Variants in TMEM130 observed in about 807,000 individuals in gnomAD.
The protein encoded by TMEM130 is transmembrane protein 130.
TMEM130 carries 37 observed loss-of-function variants against 42.9 expected under a neutral mutation model. The ratio of observed to expected loss-of-function variants is 0.86; its 90% CI spans 0.66 to 1.13. The LOEUF is 1.13. Ranked by LOEUF, TMEM130 falls within the 50% of genes most tolerant of loss-of-function variation. TMEM130 has a pLI of 0.00. For missense variants in TMEM130, 545 were observed against 562.6 expected (o/e 0.97, Z 0.32); for synonymous variants, 259 against 237.7 (o/e 1.09, Z -0.82).
chr7:98,860,572 T>C (rs1794749234), intron 2 of TMEM130, among the ~76,000 whole-genome samples: 1 of 152,158 alleles, frequency 6.6e-6, no homozygotes, highest in Admixed American at 6.5e-5. Context: ...CGGAGGACTC[T>C]GTCACATTCA....
intron 6 of TMEM130, among the ~76,000 whole-genome samples, chr7:98,850,727 A>G (rs563662699): frequency 2.8e-4 from 42 of 152,146 alleles, no homozygotes; most frequent in Admixed American, 1.7e-3. Context: ...ACAATATGCA[A>G]TGCCTTCTCC....
chr7:98,856,033 G>C lies in TMEM130; in HGVS notation c.702C>G (p.Ala234=). The change falls in exon 4 of 8, where the codon GCC becomes GCG. Residue 234 remains alanine (A), a synonymous_variant. Transcript: ENST00000339375. The stretch of plus-strand genomic sequence containing the variant: ...GACACCCACCCTGCAGCTTCAGCGA[G>C]GCGGAGAAGTCCCCGGTCTTCTGCT... ...AVKQKTGDFS[A]SLKLQETLRG... 6.2e-7 allele frequency: 1 copy of C among 1,613,248 alleles called. No individual in the cohort carries two copies. The highest frequency in any genetic ancestry group is 8.5e-7 in the Non-Finnish European group (1 of 1,180,034).
chr7:98,859,906 A>T (rs1554399509), intron 3 of TMEM130, among the ~76,000 whole-genome samples: 1 of 151,654 alleles, frequency 6.6e-6, no homozygotes, highest in African/African-American at 2.4e-5. Flanking sequence ...ATAAAAATAA[A>T]AAAAATACAA....
At chr7:98,861,494 C>A (rs931654511) in intron 2 of TMEM130, among the ~76,000 whole-genome samples, 1 of 152,138 alleles carries the variant, frequency 6.6e-6, no homozygotes, top group Admixed American at 6.6e-5. Context: ...GTGGGCAGAT[C>A]ACTTGAGGCC....
At chr7:98,867,030 GA>G (rs1343439094) in intron 1 of TMEM130, 1 of 152,148 alleles carries the variant, frequency 6.6e-6, no homozygotes, top group Admixed American at 6.6e-5. Context: ...CCAGGGGTTT[GA>G]AGTTGCAGTG....
chr7:98,864,918 AAC>A (rs1794874115), intron 1 of TMEM130, among the ~76,000 whole-genome samples: 3 of 152,144 alleles, frequency 2.0e-5, no homozygotes, highest in Admixed American at 6.5e-5. Context: ...AAAGAAAACA[AAC>A]AATAAAAACA....
chr7:98,861,316 T>C (rs1794766609), intron 2 of TMEM130, among the ~76,000 whole-genome samples: 2 of 150,210 alleles, frequency 1.3e-5, no homozygotes, highest in African/African-American at 2.5e-5. Flanking sequence ...CCAGCCTGGG[T>C]GACAGAGCAA....
At chr7:98,860,384 G>A (rs1193153999) in intron 2 of TMEM130, 46 bp from the exon 3 acceptor site, 3 of 1,533,874 alleles carry the variant, frequency 2.0e-6, no homozygotes, top group Non-Finnish European at 2.6e-6. Flanking sequence ...GAGATTCAGG[G>A]ATCAGGAAAC....
At chr7:98,854,049 T>G (rs1794572407) in intron 5 of TMEM130, among the ~76,000 whole-genome samples, 2 of 150,526 alleles carry the variant, frequency 1.3e-5, no homozygotes, top group African/African-American at 4.9e-5. Flanking sequence ...TTTGTTTTTT[T>G]TTTTTTTGGA....
Position 98,863,090 on chromosome 7 carries a change from C to T in TMEM130, c.391+5G>A. On this transcript the variant is annotated splice_donor_5th_base_variant and intron_variant, in intron 2 of 7. Transcript: ENST00000339375. ...GGCAAACTAGCAAATGGGAGCGACC[C>T]TCACCTGTGATGGGGAGGACCACAA... is the stretch of plus-strand genomic sequence containing the variant. 6.2e-7 allele frequency: 1 copy of T among 1,609,222 alleles called. No individual in the cohort carries two copies. The highest frequency in any genetic ancestry group is 1.7e-5 in the Admixed American group (1 of 59,916).
chr7:98,855,176 T>C, intron 5 of TMEM130, 64 bp downstream of exon 5: 2 of 1,444,598 alleles, frequency 1.4e-6, no homozygotes, highest in Non-Finnish European at 1.9e-6. Flanking sequence ...AGACTTGGGG[T>C]CATCGTGAAG....
intron 3 of TMEM130, among the ~76,000 whole-genome samples, chr7:98,858,928 G>A (rs1554399385): frequency 6.7e-6 from 1 of 149,316 alleles, no homozygotes; most frequent in Admixed American, 6.7e-5. Context: ...CAACACTTTG[G>A]GAGGAGGAAG....
rs1174990478 is a variant in TMEM130 at position 98,870,001 on chromosome 7, C to T, written c.-140G>A. The T allele has an allele frequency of 1.8e-5, 8 of 439,714 alleles. No homozygotes were observed. Among genetic ancestry groups the T allele is most frequent in the Non-Finnish European group, 2.5e-5 (7 of 276,648 alleles). The allele number at this position is 439,714 out of a possible 1,614,324, so 27.2% of individuals were successfully genotyped here. On this transcript the variant is annotated 5_prime_UTR_variant, in exon 1 of 8. Transcript: ENST00000339375. ...CGGGCGCCGTGCTCGCTCGTCCTCGCCGGGGGACGCTCTGTCGCTGCGCGC... is the reference window on the plus strand; with the variant it reads ...CGGGCGCCGTGCTCGCTCGTCCTCGTCGGGGGACGCTCTGTCGCTGCGCGC...
In TMEM130 at chr7:98,863,092, C is replaced by T. The variant is rs1554400060; in HGVS notation, c.391+3G>A. ...CAAACTAGCAAATGGGAGCGACCCT[C>T]ACCTGTGATGGGGAGGACCACAAAG... On this transcript the variant is annotated splice_donor_region_variant and intron_variant, in intron 2 of 7. Coordinates refer to ENST00000339375, the MANE Select transcript of TMEM130 (RefSeq NM_152913.3). 6.2e-7 allele frequency: 1 copy of T among 1,609,788 alleles called. No individual in the cohort carries two copies. Among genetic ancestry groups the T allele is most frequent in the Admixed American group, 1.7e-5 (1 of 59,942 alleles).
chr7:98,853,748 C>T (rs1486743226), intron 5 of TMEM130, among the ~76,000 whole-genome samples: 2 of 152,232 alleles, frequency 1.3e-5, no homozygotes, highest in Non-Finnish European at 2.9e-5. Context: ...ATCTGTGTCT[C>T]CTCACCTACT....
At chr7:98,851,678 C>G in intron 5 of TMEM130, 55 bp from the exon 6 acceptor site, 1 of 1,490,484 alleles carries the variant, frequency 6.7e-7, no homozygotes, top group South Asian at 1.3e-5. Flanking sequence ...CATGTCAGCA[C>G]AGACCAAGTC....
chr7:98,851,635 T>C lies in TMEM130; in HGVS notation c.804-12A>G. 5 of 1,598,762 alleles carry C rather than the reference T, an allele frequency of 3.1e-6. No individual in the cohort carries two copies. Among genetic ancestry groups the C allele is most frequent in the Non-Finnish European group, 4.3e-6 (5 of 1,171,440 alleles). ...CAGTCAGAGGAGGGCTGCAGGGAAA[T>C]GGGGGCGGTTTTTAAGAAAAGGCTC... is the stretch of plus-strand genomic sequence containing the variant. On this transcript the variant is annotated splice_polypyrimidine_tract_variant and intron_variant, in intron 5 of 7. Coordinates refer to ENST00000339375, the MANE Select transcript of TMEM130 (RefSeq NM_152913.3).
intron 3 of TMEM130, among the ~76,000 whole-genome samples, chr7:98,858,815 G>A (rs1554399378): frequency 6.6e-6 from 1 of 151,996 alleles, no homozygotes; most frequent in East Asian, 1.9e-4. Context: ...TCACACCACT[G>A]TACTCTAGCC....
intron 1 of TMEM130, chr7:98,865,985 G>A (rs1554400571): frequency 1.1e-5 from 2 of 175,702 alleles, no homozygotes; most frequent in Non-Finnish European, 2.4e-5. Context: ...AATCACTCCT[G>A]GAAGAAATAG....
Sources: allele counts gnomAD v4.1 joint callset (sites outside exome capture counted in the v4.1 genomes callset), GRCh38; gene constraint gnomAD v4.1.1; transcripts MANE v1.5; gene names NCBI Gene and HGNC (gene_info 2026-07-23, HGNC 2026-07-21).